Variants in ADGRV1 observed in about 807,000 individuals in gnomAD.
ADGRV1 encodes the protein G-protein coupled receptor 98.
A neutral mutation model predicts 596.2 loss-of-function variants in ADGRV1; 359 were observed. That is an observed-to-expected ratio of 0.60 (90% CI 0.55 to 0.66). The LOEUF (loss-of-function observed/expected upper bound fraction) is 0.66, where lower values mean the gene tolerates loss of function less well. ADGRV1 is among the 30% of genes least tolerant of loss of function. The probability of loss-of-function intolerance (pLI) is 0.00; values close to 1 mark genes in which losing one functional copy is unlikely to be tolerated. For missense variants in ADGRV1, 7,274 were observed against 7,575.6 expected, an observed-to-expected ratio of 0.96 and a Z score of 1.48; for synonymous variants, 2,681 against 2,679.2, an observed-to-expected ratio of 1.00 and a Z score of -0.02.
At chr5:90,778,393 A>G (rs1450011145) in intron 62 of ADGRV1, 34 bp from the exon 63 acceptor site, 1 of 1,585,238 alleles carries the variant, frequency 6.3e-7, no homozygotes. Flanking sequence ...AATTCCACAG[A>G]TTCTACTGTT....
chr5:91,141,503 T>G (rs1309052038), intron 87 of ADGRV1, among the ~76,000 whole-genome samples: 1 of 152,220 alleles, frequency 6.6e-6, no homozygotes, highest in Non-Finnish European at 1.5e-5. Flanking sequence ...AGATTGTGGA[T>G]TCTTATTATA....
chr5:90,872,423 TTGTGTGTGTGTGTG>T (rs55743704), intron 83 of ADGRV1, among the ~76,000 whole-genome samples: 6,120 of 147,402 alleles, frequency 0.042, 154 homozygotes, highest in African/African-American at 0.067. Context: ...TGGTATGAGC[TTGTGTGTGTGTGTG>T]TGTGTGTGTG....
At chr5:91,036,891 T>C (rs1784960132) in intron 85 of ADGRV1, among the ~76,000 whole-genome samples, 1 of 152,134 alleles carries the variant, frequency 6.6e-6, no homozygotes, top group East Asian at 1.9e-4. Context: ...AATAAAATAT[T>C]TTTAAATGTT....
intron 84 of ADGRV1, among the ~76,000 whole-genome samples, chr5:90,971,898 C>T (rs879024534): frequency 2.0e-5 from 3 of 152,300 alleles, no homozygotes; most frequent in Middle Eastern, 6.8e-3. Flanking sequence ...TTAAAAGACA[C>T]AGACTGGCAA....
intron 89 of ADGRV1, among the ~76,000 whole-genome samples, chr5:91,162,142 T>C (rs1183811105): frequency 6.6e-6 from 1 of 152,152 alleles, no homozygotes; most frequent in Non-Finnish European, 1.5e-5. Context: ...GGAGATGAGA[T>C]GGAGCAGGCA....
At chr5:90,754,851 ATTGTCT>A in intron 54 of ADGRV1, 126 bp from the exon 55 acceptor site, 3 of 644,280 alleles carry the variant, frequency 4.7e-6, no homozygotes, top group Non-Finnish European at 5.4e-6. Context: ...GGGAGTATAC[ATTGTCT>A]TTGTTTTACT....
At chr5:90,590,465 T>A (rs1759341291) in intron 1 of ADGRV1, among the ~76,000 whole-genome samples, 1 of 152,210 alleles carries the variant, frequency 6.6e-6, no homozygotes, top group Admixed American at 6.5e-5. Flanking sequence ...GTGGCTAGCT[T>A]AGGCTTCCTG....
rs1396499688 is a variant in ADGRV1 at position 90,677,128 on chromosome 5, C to T, written c.5443+919C>T. On this transcript the variant is annotated intron_variant, in intron 25 of 89. Coordinates refer to ENST00000405460, the MANE Select transcript of ADGRV1 (RefSeq NM_032119.4). ...CAGGACAGTCCCTTTCATTACAAAA[C>T]CCGGTATCATTACCTCATTATTATT... is the stretch of plus-strand genomic sequence containing the variant. Among the ~76,000 whole-genome samples, 3 of 152,106 alleles carry T rather than the reference C, an allele frequency of 2.0e-5. No homozygotes were observed. The East Asian group carries it at 5.8e-4, about 29-fold the overall frequency.
At chr5:90,880,044 T>C (rs969067799) in intron 83 of ADGRV1, among the ~76,000 whole-genome samples, 1 of 152,140 alleles carries the variant, frequency 6.6e-6, no homozygotes, top group Admixed American at 6.5e-5. Context: ...TCCAGAGAAG[T>C]AATGGTATTA....
intron 72 of ADGRV1, among the ~76,000 whole-genome samples, chr5:90,806,882 TTGCTCTGTCACC>T (rs1761950034): frequency 6.6e-6 from 1 of 152,020 alleles, no homozygotes; most frequent in Non-Finnish European, 1.5e-5. Flanking sequence ...AGACAGAGTC[TTGCTCTGTCACC>T]CATGCTGGAA....
chr5:91,039,806 G>T (rs1785191320), intron 85 of ADGRV1, among the ~76,000 whole-genome samples: 1 of 152,164 alleles, frequency 6.6e-6, no homozygotes, highest in Admixed American at 6.5e-5. Flanking sequence ...GTAGTATGTT[G>T]CCTGTGAATC....
chr5:90,742,811 A>G (rs572923722), intron 50 of ADGRV1, among the ~76,000 whole-genome samples: 1 of 152,222 alleles, frequency 6.6e-6, no homozygotes, highest in Non-Finnish European at 1.5e-5. Context: ...AAGTAAAACC[A>G]CGGGGGTTGG....
At chr5:91,114,344 T>C (rs1461520284) in intron 87 of ADGRV1, among the ~76,000 whole-genome samples, 1 of 152,074 alleles carries the variant, frequency 6.6e-6, no homozygotes, top group Non-Finnish European at 1.5e-5. Flanking sequence ...TTGGCCAACA[T>C]GGTGAAACCC....
intron 83 of ADGRV1, among the ~76,000 whole-genome samples, chr5:90,933,492 G>C (rs1033207347): frequency 1.3e-5 from 2 of 152,118 alleles, no homozygotes; most frequent in African/African-American, 2.4e-5. Context: ...AAGTGAGTCT[G>C]GTTCTGGAAT....
At chr5:90,574,157 A>G (rs965746628) in intron 1 of ADGRV1, among the ~76,000 whole-genome samples, 2 of 150,262 alleles carry the variant, frequency 1.3e-5, no homozygotes, top group Non-Finnish European at 2.9e-5. Context: ...GTTCCATGTT[A>G]ATTTCAGAAT....
intron 86 of ADGRV1, among the ~76,000 whole-genome samples, chr5:91,074,682 A>G (rs1788693605): frequency 6.6e-6 from 1 of 152,242 alleles, no homozygotes; most frequent in Non-Finnish European, 1.5e-5. Flanking sequence ...TCCTTTGGGT[A>G]CATACCCAGC....
At chr5:90,724,519 A>T (rs1218357137) in intron 45 of ADGRV1, among the ~76,000 whole-genome samples, 2 of 152,218 alleles carry the variant, frequency 1.3e-5, no homozygotes, top group Non-Finnish European at 2.9e-5. Flanking sequence ...GTGAGCCACC[A>T]TGCCCAGCCA....
At chr5:91,046,206 C>T (rs1176658190) in intron 85 of ADGRV1, among the ~76,000 whole-genome samples, 1 of 152,000 alleles carries the variant, frequency 6.6e-6, no homozygotes, top group African/African-American at 2.4e-5. Flanking sequence ...GCCTGCAGAG[C>T]CAAAGCAAGA....
intron 83 of ADGRV1, among the ~76,000 whole-genome samples, chr5:90,926,119 T>G (rs1774415683): frequency 6.9e-6 from 1 of 145,860 alleles, no homozygotes; most frequent in Non-Finnish European, 1.5e-5. Context: ...TCTGCCCGGC[T>G]TTGGTATCAG....
Sources: allele counts gnomAD v4.1 joint callset (sites outside exome capture counted in the v4.1 genomes callset), GRCh38; gene constraint gnomAD v4.1.1; transcripts MANE v1.5; gene names NCBI Gene and HGNC (gene_info 2026-07-23, HGNC 2026-07-21).